OTOF: variants seen among roughly 807,000 people sequenced by gnomAD.
OTOF encodes otoferlin, also known as fer-1-like family member 2.
In OTOF, 218 loss-of-function variants were observed where a neutral mutation model predicts 236.8. That is an observed-to-expected ratio of 0.92 (90% CI 0.82 to 1.03). OTOF has a LOEUF of 1.03. Ranked by LOEUF, OTOF falls within the 50% of genes least tolerant of loss-of-function variation. The pLI, the probability that OTOF is intolerant of heterozygous loss-of-function variation, is 0.00. For missense variants in OTOF, 2,590 were observed against 2,694.4 expected (o/e 0.96, Z 0.86); for synonymous variants, 1,041 against 1,072.5 (o/e 0.97, Z 0.57).
chr2:26,546,753 T>TTG (rs1308623209), intron 1 of OTOF, among the ~76,000 whole-genome samples: 1 of 151,966 alleles, frequency 6.6e-6, no homozygotes, highest in Non-Finnish European at 1.5e-5. Context: ...GTTTGGTTTT[T>TTG]TTTTTTTTTT....
chr2:26,460,203 C>G lies in OTOF; in HGVS notation c.5816G>C (p.Arg1939Pro), dbSNP rs80356605. The change falls in exon 46 of 47, where the codon CGG (arginine) becomes CCG (proline). Residue 1939 changes from arginine to proline, a missense_variant and splice_region_variant. Transcript: ENST00000272371. This position sits in a 1 kb window ranked among gnomAD's most constrained non-coding sequence, Gnocchi z 5.3. ...NEPDPLEKPN[R>P]PDTSFIWFLN... ...GAACCAGATGAAGCTCGTGTCGGGCCGGCTGGAGTATGAAGGGTAGAGAGC... is the reference window on the plus strand; with the variant it reads ...GAACCAGATGAAGCTCGTGTCGGGCGGGCTGGAGTATGAAGGGTAGAGAGC... 3 of 1,600,492 alleles carry G rather than the reference C, an allele frequency of 1.9e-6. No individual in the cohort carries two copies. Among genetic ancestry groups the G allele is most frequent in the South Asian group, 1.1e-5 (1 of 88,830 alleles).
chr2:26,480,669 G>A, intron 15 of OTOF, 117 bp downstream of exon 15: 1 of 836,758 alleles, frequency 1.2e-6, no homozygotes, highest in Non-Finnish European at 2.0e-6. Context: ...CTTATCCTGA[G>A]GTATGACTCC....
chr2:26,489,887 T>A lies in OTOF; in HGVS notation c.898-147A>T, dbSNP rs1246644933. On this transcript the variant is annotated intron_variant, in intron 9 of 46. Coordinates refer to ENST00000272371, the MANE Select transcript of OTOF (RefSeq NM_194248.3). ...AGTTCAGAGGAGCAGCAGAGGCAAC[T>A]CATCTGATCCTGATTGACCCTGGTG... is the stretch of plus-strand genomic sequence containing the variant. 8.4e-6 allele frequency: 6 copies of A among 714,028 alleles called. No individual in the cohort carries two copies. The Admixed American group carries it at 1.2e-4, about 14-fold the overall frequency. 44.2% of individuals were successfully genotyped at this position (714,028 alleles called of 1,614,324 possible). A position where few individuals can be genotyped will look rare whatever the true frequency, so the allele number is the denominator to read the frequency against.
intron 3 of OTOF, among the ~76,000 whole-genome samples, chr2:26,520,665 G>A (rs959615654): frequency 1.4e-4 from 21 of 152,260 alleles, no homozygotes; most frequent in African/African-American, 4.8e-4. Flanking sequence ...GTGCCCCAGA[G>A]ACAGAAGTGC....
At chr2:26,537,558 C>A (rs2148122656) in intron 2 of OTOF, among the ~76,000 whole-genome samples, 158 bp downstream of exon 2, 2 of 152,304 alleles carry the variant, frequency 1.3e-5, no homozygotes, top group Non-Finnish European at 2.9e-5. Context: ...TGCACACCCT[C>A]CTTACCACCT....
intron 12 of OTOF, among the ~76,000 whole-genome samples, chr2:26,483,954 T>C (rs1396378775): frequency 6.6e-6 from 1 of 152,240 alleles, no homozygotes; most frequent in Non-Finnish European, 1.5e-5. Flanking sequence ...TGGGATATGA[T>C]CTTAGTATTA....
chr2:26,480,182 C>G (rs1258773667), intron 16 of OTOF, 21 bp downstream of exon 16: 1 of 1,470,506 alleles, frequency 6.8e-7, no homozygotes, highest in Admixed American at 1.7e-5. Context: ...GGCCCGAAGC[C>G]CCCGTGGGCC....
In OTOF at chr2:26,536,482, C is replaced by T. The variant is rs147749513; in HGVS notation, c.138+1234G>A. ...GGTTGGGGAGGGTGTGGTGCTGGGCCGCGATGGTTGATGGCTGTGCCTAAG... is the reference window on the plus strand; with the variant it reads ...GGTTGGGGAGGGTGTGGTGCTGGGCTGCGATGGTTGATGGCTGTGCCTAAG... On this transcript the variant is annotated intron_variant, in intron 2 of 46. Coordinates refer to ENST00000272371, the MANE Select transcript of OTOF (RefSeq NM_194248.3). Among the ~76,000 whole-genome samples the T allele has an allele frequency of 1.6e-4, 24 of 152,206 alleles. No homozygotes were observed. In the East Asian group the frequency reaches 3.9e-3, roughly 25 times the overall value.
chr2:26,550,721 G>A (rs1667439614), intron 1 of OTOF, among the ~76,000 whole-genome samples: 1 of 152,090 alleles, frequency 6.6e-6, no homozygotes, highest in Non-Finnish European at 1.5e-5. Context: ...CCTCTCTCAT[G>A]GCGCCTGCTG....
chr2:26,494,656 T>TAG lies in OTOF; in HGVS notation c.897+285_897+286insCT, dbSNP rs1553356373. On this transcript the variant is annotated intron_variant, in intron 9 of 46. Coordinates refer to ENST00000272371, the MANE Select transcript of OTOF (RefSeq NM_194248.3). ...GAACCAGGCCTCTTGGGGAGTGGGG[T>TAG]GGGGGGGGGTTCTTTCACAGGCACT... is the stretch of plus-strand genomic sequence containing the variant. Among the ~76,000 whole-genome samples, 15 of 118,572 alleles carry TAG rather than the reference T, an allele frequency of 1.3e-4. No homozygotes were observed. In the South Asian group the frequency reaches 2.8e-3, roughly 22 times the overall value. 77.8% of individuals were successfully genotyped at this position (118,572 alleles called of 152,430 possible).
At chr2:26,552,637 C>T (rs527453505) in intron 1 of OTOF, among the ~76,000 whole-genome samples, 1 of 152,264 alleles carries the variant, frequency 6.6e-6, no homozygotes, top group South Asian at 2.1e-4. Context: ...GTCTGCCCTT[C>T]GCTGGTGTGC....
chr2:26,552,660 T>TG (rs1558530725), intron 1 of OTOF, among the ~76,000 whole-genome samples: 1 of 152,112 alleles, frequency 6.6e-6, no homozygotes, highest in Non-Finnish European at 1.5e-5. Context: ...TGGCTTGCTC[T>TG]GGGGGAGGGA....
At position 26,551,267 on chromosome 2, in the gene OTOF, A is replaced by G. The variant is rs1292447892; in HGVS notation, c.79+7226T>C. ...TGGCCTCCCAAAGTGCTGGGATTAC[A>G]GGCGTGAGCCACCATGCCCAGCCCT... On this transcript the variant is annotated intron_variant, in intron 1 of 46. Coordinates refer to ENST00000272371, the MANE Select transcript of OTOF (RefSeq NM_194248.3). Among the ~76,000 whole-genome samples, 4 of 152,346 alleles carry G rather than the reference A, an allele frequency of 2.6e-5. No individual in the cohort carries two copies. The South Asian group carries it at 6.2e-4, about 24-fold the overall frequency.
Position 26,470,370 on chromosome 2 carries a change from A to G in OTOF, c.4023+223T>C, listed in dbSNP as rs1242211744. 7.9e-5 allele frequency among the ~76,000 whole-genome samples: 12 copies of G among 152,086 alleles called. No individual in the cohort carries two copies. Among genetic ancestry groups the G allele is most frequent in the Admixed American group, 7.9e-4 (12 of 15,262 alleles). ...CATATACCCAAGAGGCATTTGTGGA[A>G]TGAGTCAATGAGGACAAAAGAAAAC... On this transcript the variant is annotated intron_variant, in intron 32 of 46. Coordinates refer to ENST00000272371, the MANE Select transcript of OTOF (RefSeq NM_194248.3). The surrounding 1 kb of genome is among the most constrained non-coding windows in gnomAD (Gnocchi z 4.3).
rs75891681 is a variant in OTOF, at chr2:26,478,848, G to C, written c.2214+416C>G. On this transcript the variant is annotated intron_variant, in intron 18 of 46. Transcript: ENST00000272371. ...CGAATAGCTGGGATTACAGGTGCCC[G>C]CCACCAAGCCCCGCTAATTTTTGCA... Among the ~76,000 whole-genome samples, 416 of 152,242 alleles carry C rather than the reference G, an allele frequency of 2.7e-3. 2 individuals carry two copies. The highest frequency in any genetic ancestry group is 9.8e-3 in the African/African-American group (406 of 41,522).
At chr2:26,482,946 G>A (rs1665593607) in intron 13 of OTOF, among the ~76,000 whole-genome samples, 1 of 135,820 alleles carries the variant, frequency 7.4e-6, no homozygotes, top group Non-Finnish European at 1.5e-5. Context: ...TGTATTCGTG[G>A]GTGCATGTGT....
chr2:26,532,964 G>T (rs2148118149), intron 2 of OTOF, among the ~76,000 whole-genome samples: 1 of 152,308 alleles, frequency 6.6e-6, no homozygotes, highest in Middle Eastern at 3.4e-3. Context: ...GCACTACAAA[G>T]CTTTAGAGCA....
Position 26,477,623 on chromosome 2 carries a change from C to T in OTOF, c.2315+26G>A. On this transcript the variant is annotated intron_variant, in intron 19 of 46. Coordinates refer to ENST00000272371, the MANE Select transcript of OTOF (RefSeq NM_194248.3). The surrounding 1 kb of genome is among the most constrained non-coding windows in gnomAD (Gnocchi z 4.7). ...TTGTCCAGTTCCGCCTCATCCTCCCCCCACCTGCCGCCCCTCCCTTCTCAC... is the reference window on the plus strand; with the variant it reads ...TTGTCCAGTTCCGCCTCATCCTCCCTCCACCTGCCGCCCCTCCCTTCTCAC... 1 of 1,611,734 alleles carries T rather than the reference C, an allele frequency of 6.2e-7. No homozygotes were observed. Among genetic ancestry groups the T allele is most frequent in the Non-Finnish European group, 8.5e-7 (1 of 1,179,590 alleles).
rs528594135 is a variant in OTOF at position 26,533,972 on chromosome 2, G to C, written c.138+3744C>G. Among the ~76,000 whole-genome samples the C allele has an allele frequency of 2.6e-5, 4 of 152,146 alleles. No individual in the cohort carries two copies. In the South Asian group the frequency reaches 8.3e-4, roughly 32 times the overall value. ...AGGCTGGAGACCTCTTCTTCCTCTT[G>C]GCTCAGAAGGCCCAGGGTCCCTCCT... On this transcript the variant is annotated intron_variant, in intron 2 of 46. Transcript: ENST00000272371.
Sources: allele counts gnomAD v4.1 joint callset (sites outside exome capture counted in the v4.1 genomes callset), GRCh38; gene constraint gnomAD v4.1.1; non-coding constraint Gnocchi (gnomAD v3.1); transcripts MANE v1.5; gene names NCBI Gene and HGNC (gene_info 2026-07-23, HGNC 2026-07-21).